Variants in FAM72C observed in about 807,000 individuals in gnomAD.
FAM72C encodes RUMY family member 3, also known as protein FAM72C.
A neutral mutation model predicts 5.2 loss-of-function variants in FAM72C; 1 was observed. The observed-to-expected ratio is 0.19, with a 90% confidence interval of 0.07 to 0.91. The LOEUF (loss-of-function observed/expected upper bound fraction) is 0.91. Ranked by LOEUF, FAM72C falls within the 40% of genes least tolerant of loss-of-function variation. The pLI, the probability that FAM72C is intolerant of heterozygous loss-of-function variation, is 0.66. For missense variants in FAM72C, 4 were observed against 66.0 expected, an observed-to-expected ratio of 0.06 and a Z score of 3.25; for synonymous variants, 1 against 21.8, an observed-to-expected ratio of 0.05 and a Z score of 2.66.
intron 2 of FAM72C, among the ~76,000 whole-genome samples, chr1:143,965,273 G>A (rs1334878607): frequency 3.9e-5 from 4 of 101,606 alleles, no homozygotes; most frequent in African/African-American, 1.5e-4. Flanking sequence ...TGGAGTGCCT[G>A]CAACCTCCGC....
chr1:143,962,025 T>G (rs1661653128), intron 3 of FAM72C, among the ~76,000 whole-genome samples: 1 of 145,566 alleles, frequency 6.9e-6, no homozygotes. Context: ...TTTCTTTTTT[T>G]TTTTTTGAGA....
intron 3 of FAM72C, among the ~76,000 whole-genome samples, chr1:143,958,006 T>G (rs1661488372): frequency 2.7e-5 from 2 of 74,514 alleles, no homozygotes; most frequent in Admixed American, 3.1e-4. Context: ...TACACTGAGA[T>G]AGCAGCCACA....
chr1:143,967,041 A>C (rs1570992926), intron 2 of FAM72C, among the ~76,000 whole-genome samples: 1 of 141,226 alleles, frequency 7.1e-6, no homozygotes, highest in Admixed American at 7.1e-5. Context: ...GCAAAACAAA[A>C]AAAATGTCGT....
intron 3 of FAM72C, among the ~76,000 whole-genome samples, chr1:143,960,540 C>A (rs1233349648): frequency 2.1e-5 from 3 of 140,410 alleles, no homozygotes; most frequent in Non-Finnish European, 4.7e-5. Flanking sequence ...CCAGCCTGAC[C>A]AACATGGTGA....
intron 3 of FAM72C, among the ~76,000 whole-genome samples, chr1:143,960,403 C>CA (rs200894048): frequency 0.021 from 727 of 35,316 alleles, 12 homozygotes; most frequent in Middle Eastern, 0.1. Flanking sequence ...GACTCCATCT[C>CA]AAAAAAAAAA....
At chr1:143,960,805 T>C (rs1553517808) in intron 3 of FAM72C, among the ~76,000 whole-genome samples, 1 of 143,062 alleles carries the variant, frequency 7.0e-6, no homozygotes, top group African/African-American at 2.6e-5. Context: ...TTTAAAAGAA[T>C]TGGTAGTGTA....
chr1:143,964,073 AC>A (rs1233708908), intron 3 of FAM72C, among the ~76,000 whole-genome samples: 128 of 41,866 alleles, frequency 3.1e-3, no homozygotes, highest in African/African-American at 0.011. Flanking sequence ...CCCGCCTTGG[AC>A]TACCAAAGTG....
intron 2 of FAM72C, among the ~76,000 whole-genome samples, chr1:143,965,980 TA>T (rs1185717486): frequency 8.0e-5 from 9 of 112,874 alleles, no homozygotes; most frequent in East Asian, 2.6e-4. Context: ...GCTAGTACTT[TA>T]AAAAAAATAG....
rs1466574616 is a variant in FAM72C, at chr1:143,967,102, G to A, written c.230+1822C>T. ...GTAATCTCACACTTTGGGAGGCCGAGGCAGGTGGATCACTTGAGGTCAGGA... is the reference window on the plus strand; with the variant it reads ...GTAATCTCACACTTTGGGAGGCCGAAGCAGGTGGATCACTTGAGGTCAGGA... On this transcript the variant is annotated intron_variant, in intron 2 of 3. Coordinates refer to ENST00000584486, the MANE Select transcript of FAM72C (RefSeq NM_001287385.2). Among the ~76,000 whole-genome samples, 68 of 144,840 alleles carry A rather than the reference G, an allele frequency of 4.7e-4. 9 individuals are homozygous for A. Among genetic ancestry groups the A allele is most frequent in the African/African-American group, 1.7e-3 (68 of 39,086 alleles).
rs587617797 is a variant in FAM72C at position 143,964,168 on chromosome 1, G to C, written c.355+687C>G. ...ATGCACATTGTTTTTTAAATGTCCT[G>C]CTATTGCACACTTAATAGACTACAA... is the stretch of plus-strand genomic sequence containing the variant. On this transcript the variant is annotated intron_variant, in intron 3 of 3. Coordinates refer to ENST00000584486, the MANE Select transcript of FAM72C (RefSeq NM_001287385.2). Among the ~76,000 whole-genome samples the C allele has an allele frequency of 7.5e-3, 50 of 6,648 alleles. 2 individuals carry two copies. Among genetic ancestry groups the C allele is most frequent in the African/African-American group, 0.026 (46 of 1,772 alleles). 4.4% of individuals were successfully genotyped at this position (6,648 alleles called of 152,430 possible).
chr1:143,966,378 G>A (rs1324803344), intron 2 of FAM72C, among the ~76,000 whole-genome samples: 5 of 112,610 alleles, frequency 4.4e-5, no homozygotes, highest in Non-Finnish European at 6.2e-5. Flanking sequence ...TTGTTGTCAC[G>A]GAGCTAACAG....
chr1:143,967,601 G>A (rs1361758903), intron 2 of FAM72C, among the ~76,000 whole-genome samples: 1 of 128,600 alleles, frequency 7.8e-6, no homozygotes, highest in African/African-American at 3.0e-5. Context: ...CTCAATACAA[G>A]TATAGCTTAA....
intron 2 of FAM72C, among the ~76,000 whole-genome samples, chr1:143,967,127 A>T (rs1661794967): frequency 6.9e-6 from 1 of 145,200 alleles, no homozygotes; most frequent in Admixed American, 6.9e-5. Context: ...TGAGGTCAGG[A>T]GTTTGAGACC....
At chr1:143,967,477 T>TAA (rs1210312748) in intron 2 of FAM72C, among the ~76,000 whole-genome samples, 2 of 119,250 alleles carry the variant, frequency 1.7e-5, no homozygotes, top group Admixed American at 8.6e-5. Flanking sequence ...AACTCCGTCT[T>TAA]AAAAAAAAAA....
rs587678000 is a variant in FAM72C at position 143,959,198 on chromosome 1, G to A, written c.356-2717C>T. 6.6e-5 allele frequency among the ~76,000 whole-genome samples: 9 copies of A among 137,296 alleles called. 1 individual carries two copies. Among genetic ancestry groups the A allele is most frequent in the South Asian group, 2.3e-4 (1 of 4,266 alleles). 90.1% of individuals were successfully genotyped at this position (137,296 alleles called of 152,430 possible). On this transcript the variant is annotated intron_variant, in intron 3 of 3. Coordinates refer to ENST00000584486, the MANE Select transcript of FAM72C (RefSeq NM_001287385.2). ...AGATTCAGTGCAAATGGAAGAATGC[G>A]GGGCTTTTATCTTTGAAAAATTGAC...
chr1:143,966,829 A>G (rs1322209851), intron 2 of FAM72C, among the ~76,000 whole-genome samples: 1 of 141,546 alleles, frequency 7.1e-6, no homozygotes, highest in African/African-American at 2.6e-5. Context: ...GGAGTTCGAG[A>G]CCAGCCTGGC....
At chr1:143,965,524 T>C (rs1184443466) in intron 2 of FAM72C, among the ~76,000 whole-genome samples, 1 of 100,102 alleles carries the variant, frequency 1.0e-5, no homozygotes, top group African/African-American at 4.2e-5. Flanking sequence ...CATTCTCCCT[T>C]CAGAAGTTAG....
At position 143,955,353 on chromosome 1, in the gene FAM72C, AG is replaced by A. The variant is rs1339170907; in HGVS notation, c.*1033del. 7.0e-6 allele frequency: 1 copy of A among 141,984 alleles called. No homozygotes were observed. The highest frequency in any genetic ancestry group is 1.5e-5 in the Non-Finnish European group (1 of 64,918). The allele number at this position is 141,984 out of a possible 1,614,324, so 8.8% of individuals were successfully genotyped here. The stretch of plus-strand genomic sequence containing the variant: ...ATATGTGGGCATAACAAAAAATTAA[AG>A]GAAGAATGGTCATTTTTAGAAAAAA... On this transcript the variant is annotated 3_prime_UTR_variant, in exon 4 of 4. Transcript: ENST00000584486.
intron 2 of FAM72C, among the ~76,000 whole-genome samples, chr1:143,965,441 C>A (rs1336548034): frequency 9.2e-6 from 1 of 108,196 alleles, no homozygotes; most frequent in South Asian, 2.8e-4. Context: ...GGTGATCCAC[C>A]TGCCTTGGCT....
Sources: gnomAD v4.1 joint callset for allele counts (sites outside exome capture counted in the v4.1 genomes callset) on GRCh38, gnomAD v4.1.1 for gene constraint, MANE v1.5 for transcripts, NCBI Gene and HGNC (gene_info 2026-07-23, HGNC 2026-07-21) for gene names.